PALMD: variants seen among roughly 807,000 people sequenced by gnomAD.
PALMD encodes palmdelphin.
PALMD carries 42 observed loss-of-function variants against 56.2 expected under a neutral mutation model. That is an observed-to-expected ratio of 0.75 (90% CI 0.58 to 0.97). PALMD has a LOEUF of 0.97. PALMD is among the 50% of genes least tolerant of loss of function. PALMD has a pLI of 0.00. For missense variants in PALMD, 660 were observed against 643.8 expected, an observed-to-expected ratio of 1.03 and a Z score of -0.27; for synonymous variants, 242 against 222.9, an observed-to-expected ratio of 1.09 and a Z score of -0.76.
intron 7 of PALMD, among the ~76,000 whole-genome samples, chr1:99,691,640 A>T (rs530649268): frequency 1.2e-4 from 18 of 152,266 alleles, no homozygotes; most frequent in African/African-American, 4.1e-4. Flanking sequence ...ATATGCCCTC[A>T]CATGCCATCC....
intron 3 of PALMD, chr1:99,686,422 G>A (rs9661328): frequency 4.0e-6 from 1 of 248,316 alleles, no homozygotes; most frequent in Non-Finnish European, 7.6e-6. Flanking sequence ...TGGAGCAAAG[G>A]TCAAATGCTT....
At chr1:99,681,137 A>G (rs199707773) in intron 3 of PALMD, among the ~76,000 whole-genome samples, 318 of 122,180 alleles carry the variant, frequency 2.6e-3, no homozygotes, top group Non-Finnish European at 3.9e-3. Flanking sequence ...GTGTGTGTGT[A>G]TGTATATATA....
chr1:99,653,153 C>CCAAAA (rs201660889), intron 1 of PALMD, among the ~76,000 whole-genome samples: 2,737 of 151,930 alleles, frequency 0.018, 35 homozygotes, highest in Non-Finnish European at 0.028. Context: ...AGCTGGAGCA[C>CCAAAA]CAAAACAAAA....
intron 3 of PALMD, chr1:99,668,241 A>T (rs1653010059): frequency 6.5e-6 from 1 of 154,074 alleles, no homozygotes; most frequent in Non-Finnish European, 1.4e-5. Context: ...ATGAATTTCT[A>T]AAAAAGACTA....
At chr1:99,658,841 G>C (rs1442452856) in intron 1 of PALMD, among the ~76,000 whole-genome samples, 2 of 151,880 alleles carry the variant, frequency 1.3e-5, no homozygotes, top group Non-Finnish European at 2.9e-5. Flanking sequence ...AGCTACTTGA[G>C]AGGCTGAGGC....
chr1:99,686,920 T>A lies in PALMD; in HGVS notation c.367-10T>A. On this transcript the variant is annotated splice_polypyrimidine_tract_variant and intron_variant, in intron 4 of 7. Transcript: ENST00000263174. ...CTGTATTAATCATGGAGAATTCTTT[T>A]TTCTTACAGTCTGTGAAAGTGGAAA... The A allele has an allele frequency of 6.4e-7, 1 of 1,556,846 alleles. No homozygotes were observed.
chr1:99,651,801 C>A (rs1652592918), intron 1 of PALMD, among the ~76,000 whole-genome samples: 1 of 152,196 alleles, frequency 6.6e-6, no homozygotes, highest in Non-Finnish European at 1.5e-5. Flanking sequence ...AGGATTCAGT[C>A]AAGCCACTTA....
intron 2 of PALMD, among the ~76,000 whole-genome samples, chr1:99,665,651 T>C (rs1196318264): frequency 6.6e-6 from 1 of 152,154 alleles, no homozygotes; most frequent in Non-Finnish European, 1.5e-5. Flanking sequence ...CCACCCCATC[T>C]GAGTGTTTCT....
intron 3 of PALMD, chr1:99,684,859 C>A (rs920738891): frequency 6.6e-6 from 1 of 152,224 alleles, no homozygotes; most frequent in Non-Finnish European, 1.5e-5. Context: ...TCTAAGGTCA[C>A]ACAGGAAGCT....
intron 1 of PALMD, among the ~76,000 whole-genome samples, chr1:99,650,265 C>A (rs182602535): frequency 7.5e-6 from 1 of 133,508 alleles, no homozygotes; most frequent in Non-Finnish European, 1.6e-5. Context: ...CAGATTTTGC[C>A]GGCCAAAGCT....
chr1:99,672,387 C>T (rs1265421516), intron 3 of PALMD, among the ~76,000 whole-genome samples: 1 of 152,164 alleles, frequency 6.6e-6, no homozygotes, highest in Non-Finnish European at 1.5e-5. Context: ...GCGCTTACTG[C>T]GACCACTGAA....
At position 99,647,235 on chromosome 1, in the gene PALMD, A is replaced by G. The variant is rs563530863; in HGVS notation, c.45+873A>G. ...AAGAAGAAAAAGATCTTTGGAAAGC[A>G]ATATCCCAATTTCTCAGCATTTTCT... On this transcript the variant is annotated intron_variant, in intron 1 of 7. Coordinates refer to ENST00000263174, the MANE Select transcript of PALMD (RefSeq NM_017734.5). 2.4e-3 allele frequency among the ~76,000 whole-genome samples: 369 copies of G among 152,350 alleles called. 2 individuals carry two copies. The highest frequency in any genetic ancestry group is 4.2e-3 in the Admixed American group (64 of 15,294).
chr1:99,653,647 C>T (rs1652647227), intron 1 of PALMD, among the ~76,000 whole-genome samples: 1 of 152,072 alleles, frequency 6.6e-6, no homozygotes, highest in Admixed American at 6.6e-5. Context: ...AATGTAGAAA[C>T]TTCTTTATCC....
chr1:99,686,905 C>T, intron 4 of PALMD, 25 bp from the exon 5 acceptor site: 1 of 1,518,500 alleles, frequency 6.6e-7, no homozygotes, highest in Non-Finnish European at 9.1e-7. Flanking sequence ...CTGTATTAAT[C>T]ATGGAGAATT....
At chr1:99,679,426 T>A (rs1653289498) in intron 3 of PALMD, among the ~76,000 whole-genome samples, 1 of 152,020 alleles carries the variant, frequency 6.6e-6, no homozygotes, top group African/African-American at 2.4e-5. Flanking sequence ...TAAGAACTCC[T>A]ACCAGAACCA....
At chr1:99,683,588 C>T (rs1035476148) in intron 3 of PALMD, 21 of 152,216 alleles carry the variant, frequency 1.4e-4, no homozygotes, top group African/African-American at 5.1e-4. Flanking sequence ...CCAACCACTT[C>T]TCACCCTTCT....
chr1:99,691,758 T>C (rs552600971), intron 7 of PALMD, among the ~76,000 whole-genome samples: 2 of 152,286 alleles, frequency 1.3e-5, no homozygotes, highest in African/African-American at 4.8e-5. Flanking sequence ...ACTTGAAAAC[T>C]CACCATTTAG....
At chr1:99,648,244 C>T (rs1652486989) in intron 1 of PALMD, among the ~76,000 whole-genome samples, 1 of 152,116 alleles carries the variant, frequency 6.6e-6, no homozygotes, top group South Asian at 2.1e-4. Flanking sequence ...AACCAGCCTA[C>T]ACCTCACCAG....
chr1:99,689,136 T>C lies in PALMD; in HGVS notation c.876T>C (p.Asn292=), dbSNP rs773303452. 1.9e-6 allele frequency: 3 copies of C among 1,613,600 alleles called. No homozygotes were observed. Among genetic ancestry groups the C allele is most frequent in the Non-Finnish European group, 2.5e-6 (3 of 1,179,810 alleles). Residue 292 remains asparagine, a synonymous_variant, in exon 7 of 8, where the codon AAT becomes AAC. Coordinates refer to ENST00000263174, the MANE Select transcript of PALMD (RefSeq NM_017734.5). The stretch of plus-strand genomic sequence containing the variant: ...AAGAAAGGATAAAGATTAAAACTAA[T>C]GGACTGGGTATTGGTGTAAATGAAT... ...NFQERIKIKT[N]GLGIGVNESI... is the part of the protein sequence containing the mutation.
Sources: gnomAD v4.1 joint callset for allele counts (sites outside exome capture counted in the v4.1 genomes callset) on GRCh38, gnomAD v4.1.1 for gene constraint, MANE v1.5 for transcripts, NCBI Gene and HGNC (gene_info 2026-07-23, HGNC 2026-07-21) for gene names.